RYK: variants seen among roughly 807,000 people sequenced by gnomAD.
RYK encodes the protein inactive tyrosine-protein kinase RYK.
Under a neutral mutation model 70.2 loss-of-function variants are expected in RYK, and 21 were observed. The observed-to-expected ratio is 0.30, with a 90% CI of 0.21 to 0.43. RYK has a LOEUF of 0.43. RYK is among the 20% of genes least tolerant of loss of function. The pLI, the probability that RYK is intolerant of heterozygous loss-of-function variation, is 1.00. For synonymous variants in RYK, 267 were observed against 278.0 expected, an observed-to-expected ratio of 0.96 and a Z score of 0.39; for missense variants, 604 against 753.3, an observed-to-expected ratio of 0.80 and a Z score of 2.32.
At chr3:134,194,122 AT>A (rs1274193996) in intron 7 of RYK, among the ~76,000 whole-genome samples, 1 of 152,334 alleles carries the variant, frequency 6.6e-6, no homozygotes, top group East Asian at 1.9e-4. Context: ...TTCTAATTAT[AT>A]AATTTCTTCC....
At chr3:134,197,717 A>G (rs2013859405) in intron 6 of RYK, among the ~76,000 whole-genome samples, 1 of 152,180 alleles carries the variant, frequency 6.6e-6, no homozygotes, top group Non-Finnish European at 1.5e-5. Context: ...AATAAATGGG[A>G]TTAAGATAAT....
chr3:134,217,645 A>G (rs1418595824), intron 2 of RYK, among the ~76,000 whole-genome samples: 1 of 152,204 alleles, frequency 6.6e-6, no homozygotes, highest in East Asian at 1.9e-4. Flanking sequence ...AGCTGTTGAA[A>G]GATGTATATA....
At chr3:134,159,952 G>T (rs575009463) in intron 13 of RYK, among the ~76,000 whole-genome samples, 1 of 152,164 alleles carries the variant, frequency 6.6e-6, no homozygotes, top group Non-Finnish European at 1.5e-5. Context: ...TTCATGGTCC[G>T]TTCGGGGCTC....
chr3:134,172,901 G>A lies in RYK; in HGVS notation c.1575+2708C>T, dbSNP rs146835263. Among the ~76,000 whole-genome samples the A allele has an allele frequency of 2.9e-3, 444 of 152,156 alleles. 4 individuals carry two copies. Among genetic ancestry groups the A allele is most frequent in the African/African-American group, 0.01 (428 of 41,534 alleles). ...CTGCCACCCATCACCCACCATGCCC[G>A]ATGCCTCTCTGGCTAGGAGAGGCTG... On this transcript the variant is annotated intron_variant, in intron 13 of 14. Transcript: ENST00000623711.
chr3:134,186,477 C>T (rs1274829379), intron 9 of RYK, among the ~76,000 whole-genome samples: 1 of 152,216 alleles, frequency 6.6e-6, no homozygotes, highest in Non-Finnish European at 1.5e-5. Flanking sequence ...ATAAAAACAG[C>T]ATTCCAAAAT....
At chr3:134,219,772 A>T (rs1335003401) in intron 2 of RYK, among the ~76,000 whole-genome samples, 1 of 152,210 alleles carries the variant, frequency 6.6e-6, no homozygotes, top group East Asian at 1.9e-4. Context: ...AGCCTTATTG[A>T]ATGGTTATCC....
Position 134,195,192 on chromosome 3 carries a change from A to T in RYK, c.789-10T>A. 1 of 1,592,594 alleles carries T rather than the reference A, an allele frequency of 6.3e-7. No individual in the cohort carries two copies. Among genetic ancestry groups the T allele is most frequent in the Non-Finnish European group, 8.6e-7 (1 of 1,163,614 alleles). ...ACTGCTGGCACTAATGCTGCAAACAATTTTTGAGAGAAATATTTGACAAGT... is the reference window on the plus strand; with the variant it reads ...ACTGCTGGCACTAATGCTGCAAACATTTTTTGAGAGAAATATTTGACAAGT... On this transcript the variant is annotated splice_polypyrimidine_tract_variant and intron_variant, in intron 6 of 14. Transcript: ENST00000623711.
At chr3:134,201,363 C>T (rs181202538) in intron 6 of RYK, among the ~76,000 whole-genome samples, 105 of 152,288 alleles carry the variant, frequency 6.9e-4, no homozygotes, top group Middle Eastern at 3.4e-3. Context: ...CATATTCTTA[C>T]GCCACAAATA....
At chr3:134,195,013 A>G in intron 7 of RYK, 69 bp downstream of exon 7, 1 of 1,075,140 alleles carries the variant, frequency 9.3e-7, no homozygotes, top group Non-Finnish European at 1.4e-6. Context: ...TACACTAACC[A>G]TGCAAGACCA....
intron 1 of RYK, among the ~76,000 whole-genome samples, chr3:134,240,675 C>G (rs1202842074): frequency 2.0e-5 from 3 of 152,174 alleles, no homozygotes; most frequent in African/African-American, 7.2e-5. Flanking sequence ...TTGTGACACT[C>G]AGGTGTACCC....
intron 7 of RYK, 67 bp downstream of exon 7, chr3:134,195,015 G>T: frequency 9.1e-7 from 1 of 1,098,464 alleles, no homozygotes; most frequent in Non-Finnish European, 1.4e-6. Context: ...CACTAACCAT[G>T]CAAGACCACT....
rs113686373 is a variant in RYK at position 134,191,686 on chromosome 3, T to C, written c.1015+163A>G. On this transcript the variant is annotated intron_variant, in intron 8 of 14. Transcript: ENST00000623711. Reference sequence around the variant, plus strand: ...AAGTTGTACAAGGCCCATTCAAGTATAGGAGCAAATGAAAATAATTTTTAT... The same window carrying C: ...AAGTTGTACAAGGCCCATTCAAGTACAGGAGCAAATGAAAATAATTTTTAT... 9.1e-4 allele frequency among the ~76,000 whole-genome samples: 138 copies of C among 152,300 alleles called. 1 individual carries two copies. The highest frequency in any genetic ancestry group is 3.1e-3 in the African/African-American group (128 of 41,530).
At chr3:134,171,228 G>T (rs2012895837) in intron 13 of RYK, 1 of 152,186 alleles carries the variant, frequency 6.6e-6, no homozygotes, top group Non-Finnish European at 1.5e-5. Flanking sequence ...ACTGCATTCT[G>T]ATGATGGCAG....
intron 1 of RYK, among the ~76,000 whole-genome samples, chr3:134,235,633 T>A (rs927526068): frequency 6.6e-6 from 1 of 152,150 alleles, no homozygotes; most frequent in Non-Finnish European, 1.5e-5. Context: ...AGGGGCTAGA[T>A]AACCTAGTTG....
At chr3:134,205,193 C>T (rs998514601) in intron 5 of RYK, among the ~76,000 whole-genome samples, 3 of 152,130 alleles carry the variant, frequency 2.0e-5, no homozygotes, top group Admixed American at 6.5e-5. Flanking sequence ...ACCTAGTCTA[C>T]TAACTAGGTA....
chr3:134,210,310 G>A (rs2014351718), intron 3 of RYK, among the ~76,000 whole-genome samples: 1 of 152,178 alleles, frequency 6.6e-6, no homozygotes, highest in Non-Finnish European at 1.5e-5. Flanking sequence ...AAATGAATCT[G>A]ATAAATTGTC....
chr3:134,211,040 G>A (rs1214712621), intron 3 of RYK, among the ~76,000 whole-genome samples: 2 of 152,170 alleles, frequency 1.3e-5, no homozygotes, highest in Non-Finnish European at 1.5e-5. Flanking sequence ...CAACTCTGGG[G>A]CAAGTGCAGC....
chr3:134,216,447 G>A (rs1471345436), intron 2 of RYK, among the ~76,000 whole-genome samples: 1 of 152,178 alleles, frequency 6.6e-6, no homozygotes, highest in Non-Finnish European at 1.5e-5. Context: ...AGGGTGGGTA[G>A]TGGGAATATT....
intron 11 of RYK, among the ~76,000 whole-genome samples, chr3:134,177,644 C>G (rs2013150678): frequency 1.3e-5 from 2 of 152,254 alleles, no homozygotes; most frequent in African/African-American, 4.8e-5. Context: ...GACAAGTACC[C>G]TCAGTTATCA....
Sources: allele counts gnomAD v4.1 joint callset (sites outside exome capture counted in the v4.1 genomes callset), GRCh38; gene constraint gnomAD v4.1.1; transcripts MANE v1.5; gene names NCBI Gene and HGNC (gene_info 2026-07-23, HGNC 2026-07-21).